Variants in SPATA6 observed in about 807,000 individuals in gnomAD.
The protein encoded by SPATA6 is spermatogenesis associated 6, also known as spermatogenesis-associated protein 6.
In SPATA6, 56 loss-of-function variants were observed where a neutral mutation model predicts 65.3. The observed-to-expected ratio is 0.86, with a 90% CI of 0.69 to 1.07. SPATA6 has a LOEUF of 1.07. Among genes scored for constraint, SPATA6 ranks in the 50% least tolerant of loss-of-function variants. The pLI, the probability that SPATA6 is intolerant of heterozygous loss-of-function variation, is 0.00. For missense variants in SPATA6, 590 were observed against 594.8 expected, an observed-to-expected ratio of 0.99 and a Z score of 0.08; for synonymous variants, 199 against 213.2, an observed-to-expected ratio of 0.93 and a Z score of 0.58.
intron 3 of SPATA6, among the ~76,000 whole-genome samples, chr1:48,417,999 T>C (rs1484100520): frequency 6.6e-6 from 1 of 152,162 alleles, no homozygotes; most frequent in African/African-American, 2.4e-5. Flanking sequence ...ATTATATAGT[T>C]ACATACCTGA....
chr1:48,444,404 A>G (rs946592229), intron 3 of SPATA6, among the ~76,000 whole-genome samples: 3 of 152,076 alleles, frequency 2.0e-5, no homozygotes, highest in African/African-American at 7.2e-5. Context: ...TGCACCAATC[A>G]GCACTCTGTA....
rs1350649117 is a variant in SPATA6, at chr1:48,298,425, T to C, written c.*288A>G. ...AAGGAACTATTCTTGGATTTGCAGA[T>C]GGAATATGAGGTGTACATGTAACAG... On this transcript the variant is annotated 3_prime_UTR_variant, in exon 13 of 13. Coordinates refer to ENST00000371847, the MANE Select transcript of SPATA6 (RefSeq NM_019073.4). 8.9e-6 allele frequency: 2 copies of C among 225,508 alleles called. No individual in the cohort carries two copies. Among genetic ancestry groups the C allele is most frequent in the African/African-American group, 2.2e-5 (1 of 44,488 alleles). The allele number at this position is 225,508 out of a possible 1,614,324, so 14.0% of individuals were successfully genotyped here.
At chr1:48,376,562 G>A (rs1647934124) in intron 9 of SPATA6, among the ~76,000 whole-genome samples, 1 of 150,876 alleles carries the variant, frequency 6.6e-6, no homozygotes, top group South Asian at 2.1e-4. Context: ...ATTTTTACTG[G>A]GATCTTGCTA....
At chr1:48,288,916 G>T in the SPATA6 span, among the ~76,000 whole-genome samples, 1 of 152,216 alleles carries the variant, frequency 6.6e-6, no homozygotes, top group Non-Finnish European at 1.5e-5. Context: ...TCCACCTCTG[G>T]GGGCAGGGCA....
chr1:48,324,801 C>A (rs369333607), intron 11 of SPATA6, among the ~76,000 whole-genome samples: 1 of 152,164 alleles, frequency 6.6e-6, no homozygotes, highest in East Asian at 1.9e-4. Context: ...AGGATGCTCA[C>A]TTTCACCACT....
intron 11 of SPATA6, among the ~76,000 whole-genome samples, chr1:48,317,829 T>C (rs1190664154): frequency 6.6e-6 from 1 of 152,202 alleles, no homozygotes; most frequent in African/African-American, 2.4e-5. Context: ...AAGGTCTTTA[T>C]TCCTTTGATA....
At chr1:48,454,591 A>G (rs1046438737) in intron 1 of SPATA6, among the ~76,000 whole-genome samples, 3 of 152,294 alleles carry the variant, frequency 2.0e-5, no homozygotes, top group African/African-American at 7.2e-5. Flanking sequence ...GTGTACATGC[A>G]TTTTAATTAA....
intron 1 of SPATA6, among the ~76,000 whole-genome samples, chr1:48,459,763 G>T (rs1440910330): frequency 6.6e-6 from 1 of 152,006 alleles, no homozygotes; most frequent in Non-Finnish European, 1.5e-5. Flanking sequence ...AAAAAATCAT[G>T]CAGAGTATAT....
chr1:48,277,646 C>A, the SPATA6 span, among the ~76,000 whole-genome samples: 7 of 152,252 alleles, frequency 4.6e-5, no homozygotes, highest in African/African-American at 1.7e-4. Context: ...CGCCATTGCG[C>A]AGGCTTGCTT....
At chr1:48,435,901 T>C (rs1215536978) in intron 3 of SPATA6, 1 of 1,482,668 alleles carries the variant, frequency 6.7e-7, no homozygotes. Context: ...GAAAGGAAGA[T>C]AAAACAAAAG....
At chr1:48,367,625 C>CT (rs1222221169) in intron 9 of SPATA6, among the ~76,000 whole-genome samples, 1 of 151,892 alleles carries the variant, frequency 6.6e-6, no homozygotes, top group African/African-American at 2.4e-5. Context: ...CAACCCCTGC[C>CT]TTTTTTTGTT....
At chr1:48,447,333 A>G (rs1357693013) in intron 3 of SPATA6, among the ~76,000 whole-genome samples, 2 of 152,110 alleles carry the variant, frequency 1.3e-5, no homozygotes, top group East Asian at 3.9e-4. Context: ...AGACTGGGCA[A>G]CATTGTGAAA....
chr1:48,290,253 C>T, the SPATA6 span, among the ~76,000 whole-genome samples: 10,850 of 152,066 alleles, frequency 0.071, 516 homozygotes, highest in Non-Finnish European at 0.11. Flanking sequence ...CAAACTAAGC[C>T]TCATAAGTGA....
chr1:48,263,873 C>G, the SPATA6 span, among the ~76,000 whole-genome samples: 1 of 152,166 alleles, frequency 6.6e-6, no homozygotes, highest in Non-Finnish European at 1.5e-5. Flanking sequence ...GTTGCCCAGG[C>G]TGGAGTGCAG....
intron 3 of SPATA6, among the ~76,000 whole-genome samples, chr1:48,434,035 C>T (rs750488148): frequency 2.6e-5 from 4 of 151,740 alleles, no homozygotes; most frequent in Middle Eastern, 3.4e-3. Flanking sequence ...AAAAGGAGAC[C>T]GAAACAGCTA....
the SPATA6 span, among the ~76,000 whole-genome samples, chr1:48,274,565 C>T: frequency 6.6e-6 from 1 of 152,114 alleles, no homozygotes; most frequent in South Asian, 2.1e-4. Context: ...ATATGGCTAG[C>T]CAGTTTTTCC....
At position 48,335,177 on chromosome 1, in the gene SPATA6, GAATA is replaced by G. The variant is rs1388455132; in HGVS notation, c.1194+20489_1194+20492del. On this transcript the variant is annotated intron_variant, in intron 11 of 12. Transcript: ENST00000371847. The stretch of plus-strand genomic sequence containing the variant: ...AAAATTCCATGCTCATGGATAGGAA[GAATA>G]AATATCATTAAAATGACCATACTGC... Among the ~76,000 whole-genome samples the G allele has an allele frequency of 7.9e-5, 12 of 152,036 alleles. No homozygotes were observed. The South Asian group carries it at 2.5e-3, about 32-fold the overall frequency.
intron 11 of SPATA6, among the ~76,000 whole-genome samples, chr1:48,342,895 T>C (rs906350203): frequency 3.9e-5 from 6 of 152,040 alleles, no homozygotes; most frequent in Non-Finnish European, 5.9e-5. Context: ...TACCAAATAA[T>C]ACATGGAAAG....
chr1:48,367,241 G>C (rs1647051294), intron 9 of SPATA6, among the ~76,000 whole-genome samples: 1 of 152,236 alleles, frequency 6.6e-6, no homozygotes, highest in South Asian at 2.1e-4. Context: ...CGGAATAAGT[G>C]TGGTGTGGTG....
Sources: allele counts gnomAD v4.1 joint callset (sites outside exome capture counted in the v4.1 genomes callset), GRCh38; gene constraint gnomAD v4.1.1; transcripts MANE v1.5; gene names NCBI Gene and HGNC (gene_info 2026-07-23, HGNC 2026-07-21).